The following RGS6 variants were observed in gnomAD, a reference collection of about 807,000 sequenced individuals.
RGS6 encodes the protein regulator of G protein signaling 6.
A neutral mutation model predicts 78.5 loss-of-function variants in RGS6; 30 were observed. The ratio of observed to expected loss-of-function variants is 0.38; its 90% CI spans 0.29 to 0.52. The LOEUF is 0.52. Ranked by LOEUF, RGS6 falls within the 20% of genes least tolerant of loss-of-function variation. The pLI is 0.85. For missense variants in RGS6, 495 were observed against 609.7 expected (o/e 0.81, Z 1.98); for synonymous variants, 206 against 206.0 (o/e 1.00, Z 0.00).
chr14:71,913,644 G>C, the RGS6 span, among the ~76,000 whole-genome samples: 1 of 152,194 alleles, frequency 6.6e-6, no homozygotes, highest in Non-Finnish European at 1.5e-5. Flanking sequence ...TGAGACTTAC[G>C]AAGGAAGTGA....
chr14:72,579,594 C>T, the RGS6 span, among the ~76,000 whole-genome samples: 1 of 152,184 alleles, frequency 6.6e-6, no homozygotes, highest in Non-Finnish European at 1.5e-5. Context: ...GGGATAATGA[C>T]ATCTAGTGAA....
At chr14:72,277,331 C>T (rs2060839448) in intron 2 of RGS6, among the ~76,000 whole-genome samples, 1 of 152,230 alleles carries the variant, frequency 6.6e-6, no homozygotes. Flanking sequence ...GGTGCGGTGG[C>T]TCACGCCTGT....
At chr14:71,917,108 G>A in the RGS6 span, among the ~76,000 whole-genome samples, 1 of 152,154 alleles carries the variant, frequency 6.6e-6, no homozygotes, top group East Asian at 1.9e-4. Flanking sequence ...TAAGATCCTG[G>A]GTCATGGATT....
At chr14:72,009,281 AG>A (rs2085206906) in intron 2 of RGS6, among the ~76,000 whole-genome samples, 2 of 152,192 alleles carry the variant, frequency 1.3e-5, no homozygotes, top group African/African-American at 4.8e-5. Context: ...CAGGAAGTCA[AG>A]GCTGCAGTGA....
intron 2 of RGS6, among the ~76,000 whole-genome samples, chr14:72,213,847 C>A (rs2044802813): frequency 6.6e-6 from 1 of 152,154 alleles, no homozygotes; most frequent in African/African-American, 2.4e-5. Context: ...TAAAGTCTGT[C>A]CTTACCTAAG....
At chr14:72,628,237 C>G in the RGS6 span, among the ~76,000 whole-genome samples, 2 of 152,096 alleles carry the variant, frequency 1.3e-5, no homozygotes, top group Non-Finnish European at 2.9e-5. Context: ...AAATAAGATA[C>G]TGGCTTTAGT....
intron 13 of RGS6, among the ~76,000 whole-genome samples, chr14:72,505,233 T>G (rs2096784532): frequency 6.6e-6 from 1 of 152,248 alleles, no homozygotes; most frequent in Admixed American, 6.5e-5. Context: ...ACAAAAATAC[T>G]ATAGACTGTG....
At chr14:72,111,187 C>T (rs950729355) in intron 2 of RGS6, among the ~76,000 whole-genome samples, 6 of 152,156 alleles carry the variant, frequency 3.9e-5, no homozygotes, top group Non-Finnish European at 7.3e-5. Flanking sequence ...CATGGAGTAA[C>T]ATTTTCTTTT....
intron 2 of RGS6, among the ~76,000 whole-genome samples, chr14:72,213,468 C>A (rs1464430444): frequency 6.6e-6 from 1 of 152,182 alleles, no homozygotes; most frequent in Non-Finnish European, 1.5e-5. Context: ...CGTTTACCCC[C>A]CTGTGATCAA....
At chr14:72,614,463 C>T in the RGS6 span, among the ~76,000 whole-genome samples, 1 of 152,168 alleles carries the variant, frequency 6.6e-6, no homozygotes, top group South Asian at 2.1e-4. Flanking sequence ...GGCCAGTCCC[C>T]CTCTTCCCTT....
chr14:72,626,446 A>G, the RGS6 span, among the ~76,000 whole-genome samples: 1 of 152,042 alleles, frequency 6.6e-6, no homozygotes, highest in South Asian at 2.1e-4. Flanking sequence ...TAGATATTCT[A>G]TTTTACTTTG....
intron 17 of RGS6, among the ~76,000 whole-genome samples, chr14:72,542,113 A>C (rs200096798): frequency 6.6e-6 from 1 of 152,078 alleles, no homozygotes; most frequent in South Asian, 2.1e-4. Context: ...ATTAAAAAAA[A>C]CTAAATTCCT....
chr14:72,172,293 A>G (rs1382613760), intron 2 of RGS6, among the ~76,000 whole-genome samples: 5 of 151,158 alleles, frequency 3.3e-5, no homozygotes, highest in Non-Finnish European at 5.9e-5. Flanking sequence ...GTAATCTAGT[A>G]ATGCCTTTTA....
chr14:72,569,617 T>C (rs1440212167), downstream of RGS6, among the ~76,000 whole-genome samples: 1 of 150,640 alleles, frequency 6.6e-6, no homozygotes, highest in Non-Finnish European at 1.5e-5. Context: ...GAGGTGGAGG[T>C]TACAGTGAGC....
At chr14:71,900,247 C>G in the RGS6 span, among the ~76,000 whole-genome samples, 3 of 152,168 alleles carry the variant, frequency 2.0e-5, no homozygotes, top group African/African-American at 7.2e-5. Context: ...TCAGGGTTTC[C>G]TAGTTTTCTG....
chr14:72,348,248 C>T (rs2681742), intron 2 of RGS6, among the ~76,000 whole-genome samples: 93,691 of 152,086 alleles, frequency 0.62, 31,554 homozygotes, highest in African/African-American at 0.9. Context: ...GGGCTGTACA[C>T]TGGAGTCAGG....
At chr14:72,512,301 T>C (rs1174226161) in intron 14 of RGS6, among the ~76,000 whole-genome samples, 1 of 152,178 alleles carries the variant, frequency 6.6e-6, no homozygotes, top group African/African-American at 2.4e-5. Context: ...GCTGCCACCT[T>C]GCCTGGTCAG....
At position 72,350,974 on chromosome 14, in the gene RGS6, T is replaced by C. The variant is rs1391023092; in HGVS notation, c.85-1121T>C. Among the ~76,000 whole-genome samples, 5 of 152,174 alleles carry C rather than the reference T, an allele frequency of 3.3e-5. No homozygotes were observed. In the East Asian group the frequency reaches 5.8e-4, roughly 18 times the overall value. ...TGTTATGCCGTGCTCTAACTTTGCC[T>C]CTAACAAGTTATCTATTTCTATCAA... On this transcript the variant is annotated intron_variant, in intron 2 of 17. Coordinates refer to ENST00000553525, the MANE Select transcript of RGS6 (RefSeq NM_001204424.2).
intron 2 of RGS6, among the ~76,000 whole-genome samples, chr14:72,191,305 A>G (rs1006820260): frequency 1.3e-5 from 2 of 149,762 alleles, no homozygotes; most frequent in South Asian, 2.2e-4. Flanking sequence ...TGAGGTTTCA[A>G]CTCACACCAT....
Sources: gnomAD v4.1 joint callset for allele counts (sites outside exome capture counted in the v4.1 genomes callset) on GRCh38, gnomAD v4.1.1 for gene constraint, MANE v1.5 for transcripts, NCBI Gene and HGNC (gene_info 2026-07-23, HGNC 2026-07-21) for gene names.